The following ARHGAP15 variants were observed in gnomAD, a reference collection of about 807,000 sequenced individuals.
ARHGAP15 encodes the protein Rho GTPase activating protein 15.
ARHGAP15 carries 51 observed loss-of-function variants against 63.7 expected under a neutral mutation model. That is an observed-to-expected ratio of 0.80 (90% CI 0.64 to 1.01). ARHGAP15 has a LOEUF of 1.01. Ranked by LOEUF, ARHGAP15 falls within the 50% of genes least tolerant of loss-of-function variation. The pLI, the probability that ARHGAP15 is intolerant of heterozygous loss-of-function variation, is 0.00. For synonymous variants in ARHGAP15, 191 were observed against 193.8 expected (o/e 0.99, Z 0.12); for missense variants, 560 against 564.6 (o/e 0.99, Z 0.08).
intron 11 of ARHGAP15, among the ~76,000 whole-genome samples, chr2:143,566,028 A>G (rs934557547): frequency 6.6e-6 from 1 of 152,206 alleles, no homozygotes; most frequent in African/African-American, 2.4e-5. Context: ...TGCTGTAGAA[A>G]AAAAGTATTC....
In ARHGAP15 at chr2:143,315,888, C is replaced by CTTG. The variant is rs1558886524; in HGVS notation, c.474+65288_474+65289insTTG. On this transcript the variant is annotated intron_variant, in intron 6 of 13. Transcript: ENST00000295095. Reference sequence around the variant, plus strand: ...TCACCTGAAGTCAGGAGTTCAAGATCAGCCTGGCCAACACGGTGAAACTGC... The same window carrying CTTG: ...TCACCTGAAGTCAGGAGTTCAAGATCTTGAGCCTGGCCAACACGGTGAAACTGC... 9.2e-5 allele frequency among the ~76,000 whole-genome samples: 13 copies of CTTG among 141,614 alleles called. No individual in the cohort carries two copies. In the East Asian group the frequency reaches 2.1e-3, roughly 23 times the overall value. 92.9% of individuals were successfully genotyped at this position (141,614 alleles called of 152,430 possible).
At chr2:143,249,667 G>T (rs1238368268) in intron 5 of ARHGAP15, among the ~76,000 whole-genome samples, 1 of 152,124 alleles carries the variant, frequency 6.6e-6, no homozygotes. Flanking sequence ...CGGTATGGAG[G>T]TATGCCAATG....
intron 10 of ARHGAP15, among the ~76,000 whole-genome samples, chr2:143,536,070 T>G (rs186779697): frequency 1.2e-3 from 185 of 152,372 alleles, no homozygotes; most frequent in African/African-American, 4.3e-3. Context: ...ACATTCACTC[T>G]CATTACATTT....
chr2:143,307,053 G>T lies in ARHGAP15; in HGVS notation c.474+56453G>T, dbSNP rs147941415. The stretch of plus-strand genomic sequence containing the variant: ...GTGTTGGGAGAATTAAGTTACCTGT[G>T]GTTGTAGACTGAGGTCCCAAGTCCC... On this transcript the variant is annotated intron_variant, in intron 6 of 13. Coordinates refer to ENST00000295095, the MANE Select transcript of ARHGAP15 (RefSeq NM_018460.4). 2.2e-4 allele frequency among the ~76,000 whole-genome samples: 33 copies of T among 152,144 alleles called. 1 individual carries two copies. Among genetic ancestry groups the T allele is most frequent in the African/African-American group, 7.0e-4 (29 of 41,530 alleles).
intron 6 of ARHGAP15, among the ~76,000 whole-genome samples, chr2:143,326,928 GAGAA>G (rs1165705592): frequency 4.6e-5 from 7 of 152,270 alleles, no homozygotes; most frequent in South Asian, 4.1e-4. Flanking sequence ...AATCAGGCAA[GAGAA>G]AGAAAGAAAG....
chr2:143,699,347 T>G (rs910650236), intron 12 of ARHGAP15, among the ~76,000 whole-genome samples: 9 of 152,176 alleles, frequency 5.9e-5, no homozygotes, highest in Non-Finnish European at 1.2e-4. Context: ...ATATTTCAGC[T>G]CTCTCTAAGC....
chr2:143,639,129 G>T (rs1680484102), intron 12 of ARHGAP15, among the ~76,000 whole-genome samples: 1 of 152,030 alleles, frequency 6.6e-6, no homozygotes, highest in Non-Finnish European at 1.5e-5. Context: ...GAAAAAAAAT[G>T]ATTACAAGTG....
chr2:143,238,742 G>C (rs548964395), intron 5 of ARHGAP15, among the ~76,000 whole-genome samples: 1 of 152,058 alleles, frequency 6.6e-6, no homozygotes, highest in Admixed American at 6.6e-5. Context: ...ACACATGCAC[G>C]TGTATGTTCA....
At position 143,736,880 on chromosome 2, in the gene ARHGAP15, G is replaced by A. The variant is rs1410650462; in HGVS notation, c.1245-31109G>A. On this transcript the variant is annotated intron_variant, in intron 13 of 13. Coordinates refer to ENST00000295095, the MANE Select transcript of ARHGAP15 (RefSeq NM_018460.4). ...ATGATAAATTTGGAAAAGGCCTTGA[G>A]AGTTCACCCAGATCTATCCCTACCC... 3.9e-5 allele frequency among the ~76,000 whole-genome samples: 6 copies of A among 152,172 alleles called. No individual in the cohort carries two copies. The South Asian group carries it at 1.2e-3, about 32-fold the overall frequency.
intron 6 of ARHGAP15, among the ~76,000 whole-genome samples, chr2:143,392,924 A>T (rs548743560): frequency 2.0e-4 from 31 of 152,104 alleles, no homozygotes; most frequent in African/African-American, 5.5e-4. Context: ...CTCCATAGAT[A>T]AAAAAAACCT....
chr2:143,328,672 A>G lies in ARHGAP15; in HGVS notation c.474+78072A>G, dbSNP rs187645109. Among the ~76,000 whole-genome samples the G allele has an allele frequency of 6.6e-3, 1,009 of 152,324 alleles. 8 individuals are homozygous for G. Among genetic ancestry groups the G allele is most frequent in the Non-Finnish European group, 7.3e-3 (499 of 68,024 alleles). The stretch of plus-strand genomic sequence containing the variant: ...TGGGTGCAGCAAACCACCATGGCAC[A>G]TGTGTAGCTATATAACAAACCTGCA... On this transcript the variant is annotated intron_variant, in intron 6 of 13. Coordinates refer to ENST00000295095, the MANE Select transcript of ARHGAP15 (RefSeq NM_018460.4).
chr2:143,638,093 C>T (rs879512646), intron 12 of ARHGAP15, among the ~76,000 whole-genome samples: 7 of 143,106 alleles, frequency 4.9e-5, no homozygotes, highest in Non-Finnish European at 9.3e-5. Flanking sequence ...GTCAGTGTGG[C>T]GATTCCTCAG....
At chr2:143,132,376 A>AT (rs1340354303) in intron 1 of ARHGAP15, among the ~76,000 whole-genome samples, 1 of 152,134 alleles carries the variant, frequency 6.6e-6, no homozygotes, top group Non-Finnish European at 1.5e-5. Flanking sequence ...AGTAGGTCTC[A>AT]TTTTTTTCAT....
At chr2:143,134,147 CT>C (rs1207776377) in intron 1 of ARHGAP15, among the ~76,000 whole-genome samples, 70 of 27,864 alleles carry the variant, frequency 2.5e-3, no homozygotes, top group Non-Finnish European at 3.9e-3. Flanking sequence ...ATCTATCTAT[CT>C]ATCTACCTAT....
At chr2:143,210,666 C>T (rs1380605266) in intron 3 of ARHGAP15, among the ~76,000 whole-genome samples, 1 of 152,112 alleles carries the variant, frequency 6.6e-6, no homozygotes, top group Non-Finnish European at 1.5e-5. Context: ...CATTGCTCAA[C>T]AAACTTATTA....
intron 12 of ARHGAP15, among the ~76,000 whole-genome samples, chr2:143,699,190 A>T (rs776882776): frequency 1.3e-5 from 2 of 152,110 alleles, no homozygotes; most frequent in Non-Finnish European, 2.9e-5. Flanking sequence ...TCTCCACTTG[A>T]AGTGTTTGTG....
chr2:143,381,602 G>T (rs1052178833), intron 6 of ARHGAP15, among the ~76,000 whole-genome samples: 1 of 152,144 alleles, frequency 6.6e-6, no homozygotes, highest in Non-Finnish European at 1.5e-5. Flanking sequence ...CATTTTTACA[G>T]CTGGTACTGC....
At chr2:143,572,413 T>C (rs1696498177) in intron 11 of ARHGAP15, among the ~76,000 whole-genome samples, 1 of 152,046 alleles carries the variant, frequency 6.6e-6, no homozygotes, top group South Asian at 2.1e-4. Context: ...CATTCCTCTC[T>C]CCCTCTCCCT....
At chr2:143,471,418 T>C (rs1691570589) in intron 8 of ARHGAP15, among the ~76,000 whole-genome samples, 1 of 151,972 alleles carries the variant, frequency 6.6e-6, no homozygotes, top group Non-Finnish European at 1.5e-5. Context: ...GCAAAAATCC[T>C]GCTCTGGGAA....
Sources: allele counts gnomAD v4.1 joint callset (sites outside exome capture counted in the v4.1 genomes callset), GRCh38; gene constraint gnomAD v4.1.1; transcripts MANE v1.5; gene names NCBI Gene and HGNC (gene_info 2026-07-23, HGNC 2026-07-21).